Variants in PFN1 observed in about 807,000 individuals in gnomAD.
PFN1 encodes profilin 1, also known as profilin-1.
In PFN1, 2 loss-of-function variants were observed where a neutral mutation model predicts 11.7. The ratio of observed to expected loss-of-function variants is 0.17; its 90% CI spans 0.07 to 0.54. The LOEUF (loss-of-function observed/expected upper bound fraction) is 0.54. Among genes scored for constraint, PFN1 ranks in the 20% least tolerant of loss-of-function variants. PFN1 has a pLI of 0.94. For synonymous variants in PFN1, 78 were observed against 76.2 expected, an observed-to-expected ratio of 1.02 and a Z score of -0.12; for missense variants, 97 against 188.4, an observed-to-expected ratio of 0.51 and a Z score of 2.84.
rs140547520 is a variant in PFN1 at position 4,945,973 on chromosome 17, T to C, written c.350A>G (p.Glu117Gly). The change falls in exon 3 of 3, where the codon GAA (glutamate) becomes GGA (glycine). Residue 117 changes from glutamate (E) to glycine (G), a missense_variant. By Grantham distance (98) the Glu-to-Gly change is moderately conservative. Coordinates refer to ENST00000225655, the MANE Select transcript of PFN1 (RefSeq NM_005022.4). ...DKTLVLLMGKEGVHGGLINKK... is the reference protein window; with the variant it reads ...DKTLVLLMGKGGVHGGLINKK... ...GTTGATCAAACCACCGTGGACACCT[T>C]CTTTGCCCATCAGCAGGACTAGCGC... The C allele has an allele frequency of 1.1e-3, 1,759 of 1,613,144 alleles. 1 individual carries two copies. Among genetic ancestry groups the C allele is most frequent in the Non-Finnish European group, 1.4e-3 (1,676 of 1,179,180 alleles).
At position 4,948,504 on chromosome 17, in the gene PFN1, C is replaced by T. The variant is rs1217185940; in HGVS notation, c.-110G>A. 5 of 1,251,760 alleles carry T rather than the reference C, an allele frequency of 4.0e-6. No individual in the cohort carries two copies. Among genetic ancestry groups the T allele is most frequent in the South Asian group, 1.7e-5 (1 of 59,254 alleles). 77.5% of individuals were successfully genotyped at this position (1,251,760 alleles called of 1,614,324 possible). ...GCGGAGAGCTCGGGGCACGCGCTGCCGTCCGGACCGCGGCTCCGCTCGCTG... is the reference window on the plus strand; with the variant it reads ...GCGGAGAGCTCGGGGCACGCGCTGCTGTCCGGACCGCGGCTCCGCTCGCTG... On this transcript the variant is annotated 5_prime_UTR_variant, in exon 1 of 3. Transcript: ENST00000225655.
intron 2 of PFN1, 86 bp from the exon 3 acceptor site, chr17:4,946,083 T>A: frequency 9.9e-7 from 1 of 1,007,960 alleles, no homozygotes; most frequent in Non-Finnish European, 1.6e-6. Flanking sequence ...TGTCCAGCCC[T>A]GGGGGCTGTA....
Position 4,945,725 on chromosome 17 carries a change from G to C in PFN1, c.*175C>G, listed in dbSNP as rs1971369867. 2.0e-6 allele frequency: 1 copy of C among 507,370 alleles called. No homozygotes were observed. The highest frequency in any genetic ancestry group is 1.9e-5 in the African/African-American group (1 of 51,328). 31.4% of individuals were successfully genotyped at this position (507,370 alleles called of 1,614,324 possible). On this transcript the variant is annotated 3_prime_UTR_variant, in exon 3 of 3. Transcript: ENST00000225655. ...AAAGTTTTCCAACCACACACGGGAG[G>C]GATATGGGTAGGGGGAGGTGTCTGT... is the stretch of plus-strand genomic sequence containing the variant.
chr17:4,946,968 C>A, intron 1 of PFN1, 148 bp from the exon 2 acceptor site: 1 of 551,738 alleles, frequency 1.8e-6, no homozygotes, highest in East Asian at 3.2e-5. Flanking sequence ...CATCAATGAA[C>A]TGTGAGAAAC....
Position 4,948,470 on chromosome 17 carries a change from CG to C in PFN1, c.-77del. On this transcript the variant is annotated 5_prime_UTR_variant, in exon 1 of 3. Coordinates refer to ENST00000225655, the MANE Select transcript of PFN1 (RefSeq NM_005022.4). ...GGCTCGAGCTGCCTCGGCTGGCGGG[CG>C]GGGGGAGGCGGAGAGCTCGGGGCAC... 7.6e-6 allele frequency: 11 copies of C among 1,446,154 alleles called. No individual in the cohort carries two copies. The highest frequency in any genetic ancestry group is 1.4e-5 in the South Asian group (1 of 71,830). The allele number at this position is 1,446,154 out of a possible 1,614,324, so 89.6% of individuals were successfully genotyped here.
chr17:4,945,815 C>T lies in PFN1; in HGVS notation c.*85G>A. On this transcript the variant is annotated 3_prime_UTR_variant, in exon 3 of 3. Transcript: ENST00000225655. The stretch of plus-strand genomic sequence containing the variant: ...CAATAAGGGGTATGGGGTAATGGCC[C>T]AAAAAATAAAATGGTTTGTGTGTGT... 1.0e-6 allele frequency: 1 copy of T among 967,418 alleles called. No homozygotes were observed. The highest frequency in any genetic ancestry group is 1.7e-6 in the Non-Finnish European group (1 of 604,486). 59.9% of individuals were successfully genotyped at this position (967,418 alleles called of 1,614,324 possible).
At chr17:4,947,975 T>C in intron 1 of PFN1, 1 of 336,256 alleles carries the variant, frequency 3.0e-6, no homozygotes, top group Non-Finnish European at 5.5e-6. Context: ...GAGGCGGAAG[T>C]GGGCCGCCGC....
In PFN1 at chr17:4,945,711, A is replaced by G. The variant is rs1297489382; in HGVS notation, c.*189T>C. 4 of 479,954 alleles carry G rather than the reference A, an allele frequency of 8.3e-6. No individual in the cohort carries two copies. The highest frequency in any genetic ancestry group is 2.0e-5 in the African/African-American group (1 of 50,562). The allele number at this position is 479,954 out of a possible 1,614,324, so 29.7% of individuals were successfully genotyped here. On this transcript the variant is annotated 3_prime_UTR_variant, in exon 3 of 3. Coordinates refer to ENST00000225655, the MANE Select transcript of PFN1 (RefSeq NM_005022.4). ...AACCCCAAAAAACAAAAGTTTTCCA[A>G]CCACACACGGGAGGGATATGGGTAG...
At position 4,948,258 on chromosome 17, in the gene PFN1, A is replaced by G. The variant is rs752550133; in HGVS notation, c.132+5T>C. ...GTGCCCCGGACCGCGCAGGCCTCGC[A>G]GTACCGTGATGTTGACGAACGTTTT... On this transcript the variant is annotated splice_donor_5th_base_variant and intron_variant, in intron 1 of 2. Coordinates refer to ENST00000225655, the MANE Select transcript of PFN1 (RefSeq NM_005022.4). 1 of 1,597,006 alleles carries G rather than the reference A, an allele frequency of 6.3e-7. No homozygotes were observed. Among genetic ancestry groups the G allele is most frequent in the Non-Finnish European group, 8.5e-7 (1 of 1,172,868 alleles).
At position 4,948,422 on chromosome 17, in the gene PFN1, G is replaced by C. The variant is rs371298008; in HGVS notation, c.-28C>G. 1.3e-6 allele frequency: 2 copies of C among 1,574,728 alleles called. No homozygotes were observed. Among genetic ancestry groups the C allele is most frequent in the East Asian group, 2.4e-5 (1 of 41,492 alleles). On this transcript the variant is annotated 5_prime_UTR_variant, in exon 1 of 3. Coordinates refer to ENST00000225655, the MANE Select transcript of PFN1 (RefSeq NM_005022.4). ...CGCTGCTACTGGGGCTGCTCTCGGCGCTGCTGCTGGGGCCGCGGACTGGGC... is the reference window on the plus strand; with the variant it reads ...CGCTGCTACTGGGGCTGCTCTCGGCCCTGCTGCTGGGGCCGCGGACTGGGC...
intron 2 of PFN1, 73 bp from the exon 3 acceptor site, chr17:4,946,070 A>AGCTGTCCAGCC: frequency 8.7e-7 from 1 of 1,146,328 alleles, no homozygotes; most frequent in Admixed American, 1.7e-5. Context: ...GCTGTTCAGC[A>AGCTGTCCAGCC]GCTGTCCAGC....
In PFN1 at chr17:4,948,272, G is replaced by A. The variant is rs1381127371; in HGVS notation, c.123C>T (p.Val41=). The A allele has an allele frequency of 6.2e-6, 10 of 1,606,046 alleles. No individual in the cohort carries two copies. Among genetic ancestry groups the A allele is most frequent in the Non-Finnish European group, 8.5e-6 (10 of 1,176,694 alleles). The change falls in exon 1 of 3, where the codon GTC becomes GTT. Residue 41 remains valine, a synonymous_variant. Transcript: ENST00000225655. The stretch of plus-strand genomic sequence containing the variant: ...GCAGGCCTCGCAGTACCGTGATGTT[G>A]ACGAACGTTTTCCCGGGGACGGCGG... The part of the protein sequence containing the change: ...VWAAVPGKTF[V]NITPAEVGVL...
At chr17:4,946,123 C>G in intron 2 of PFN1, 126 bp from the exon 3 acceptor site, 2 of 657,514 alleles carry the variant, frequency 3.0e-6, no homozygotes, top group Non-Finnish European at 5.6e-6. Flanking sequence ...AACCCGCCCC[C>G]CCACCACACA....
In PFN1 at chr17:4,946,608, G is replaced by C. The variant is rs747850206; in HGVS notation, c.325+20C>G. ...TTAGAGATCTTGGAGCTAAAGGAAG[G>C]GTAAGACTCAGGAACTCACTCTTGT... is the stretch of plus-strand genomic sequence containing the variant. On this transcript the variant is annotated intron_variant, in intron 2 of 2. Coordinates refer to ENST00000225655, the MANE Select transcript of PFN1 (RefSeq NM_005022.4). 1 of 1,585,746 alleles carries C rather than the reference G, an allele frequency of 6.3e-7. No homozygotes were observed. Among genetic ancestry groups the C allele is most frequent in the South Asian group, 1.1e-5 (1 of 87,302 alleles).
In PFN1 at chr17:4,946,048, C is replaced by A. The variant is rs1567665296; in HGVS notation, c.326-51G>T. ...GGCTAGGATCCAGGTGTCACAATTC[C>A]ACCCCCTGCCAGCTGTTCAGCAGCT... On this transcript the variant is annotated intron_variant, in intron 2 of 2. Coordinates refer to ENST00000225655, the MANE Select transcript of PFN1 (RefSeq NM_005022.4). 5.2e-6 allele frequency: 7 copies of A among 1,343,224 alleles called. No homozygotes were observed. In the Admixed American group the frequency reaches 1.2e-4, roughly 23 times the overall value. The allele number at this position is 1,343,224 out of a possible 1,614,324, so 83.2% of individuals were successfully genotyped here.
Position 4,946,830 on chromosome 17 carries a change from G to C in PFN1, c.133-10C>G. 6.2e-7 allele frequency: 1 copy of C among 1,605,656 alleles called. No homozygotes were observed. Among genetic ancestry groups the C allele is most frequent in the Non-Finnish European group, 8.5e-7 (1 of 1,175,562 alleles). On this transcript the variant is annotated splice_polypyrimidine_tract_variant and intron_variant, in intron 1 of 2. Transcript: ENST00000225655. ...CACCCACCTCAGCTGGCTGGAAGAGGAACCAAGCGCCCATCAAGTTAGTCA... is the reference window on the plus strand; with the variant it reads ...CACCCACCTCAGCTGGCTGGAAGAGCAACCAAGCGCCCATCAAGTTAGTCA...
chr17:4,946,330 C>T (rs1385261952), intron 2 of PFN1, among the ~76,000 whole-genome samples: 2 of 152,150 alleles, frequency 1.3e-5, no homozygotes, highest in East Asian at 1.9e-4. Flanking sequence ...ACGATGAACT[C>T]GATGATTCAA....
At chr17:4,948,135 C>T (rs1198627918) in intron 1 of PFN1, 128 bp downstream of exon 1, 9 of 1,135,870 alleles carry the variant, frequency 7.9e-6, no homozygotes, top group Non-Finnish European at 1.1e-5. Context: ...CCATTCGCGC[C>T]GCTTCCAGGG....
chr17:4,947,968 G>A (rs1971442812), intron 1 of PFN1: 1 of 322,120 alleles, frequency 3.1e-6, no homozygotes, highest in Non-Finnish European at 5.7e-6. Context: ...CCTGGGAGAG[G>A]CGGAAGTGGG....
Sources: allele counts gnomAD v4.1 joint callset (sites outside exome capture counted in the v4.1 genomes callset), GRCh38; gene constraint gnomAD v4.1.1; transcripts MANE v1.5; gene names NCBI Gene and HGNC (gene_info 2026-07-23, HGNC 2026-07-21).